VWCE: variants seen among roughly 807,000 people sequenced by gnomAD.
VWCE encodes the protein von Willebrand factor C and EGF domain-containing protein.
Under a neutral mutation model 102.9 loss-of-function variants are expected in VWCE, and 68 were observed. The observed-to-expected ratio is 0.66, with a 90% CI of 0.54 to 0.81. The LOEUF (loss-of-function observed/expected upper bound fraction) is 0.81. Among genes scored for constraint, VWCE ranks in the 30% least tolerant of loss-of-function variants. The pLI is 0.00. For missense variants in VWCE, 1,137 were observed against 1,263.6 expected, an observed-to-expected ratio of 0.90 and a Z score of 1.52; for synonymous variants, 497 against 515.4, an observed-to-expected ratio of 0.96 and a Z score of 0.48.
At chr11:61,285,346 C>T (rs1179483660) in intron 5 of VWCE, among the ~76,000 whole-genome samples, 1 of 152,098 alleles carries the variant, frequency 6.6e-6, no homozygotes, top group Non-Finnish European at 1.5e-5. Context: ...GAGATTCTTT[C>T]CATAATGTGT....
chr11:61,277,568 A>G lies in VWCE; in HGVS notation c.1407+826T>C, dbSNP rs376871798. 2.2e-3 allele frequency among the ~76,000 whole-genome samples: 336 copies of G among 152,170 alleles called. 5 individuals are homozygous for G. The highest frequency in any genetic ancestry group is 7.3e-3 in the African/African-American group (301 of 41,512). ...TGCAATGAGCTATGACTGCACCACT[A>G]TACTCCAGCCTGGGCAACAGAGCAA... is the stretch of plus-strand genomic sequence containing the variant. On this transcript the variant is annotated intron_variant, in intron 10 of 19. Coordinates refer to ENST00000335613, the MANE Select transcript of VWCE (RefSeq NM_152718.2).
intron 4 of VWCE, among the ~76,000 whole-genome samples, chr11:61,288,464 C>G (rs1458200893): frequency 6.6e-6 from 1 of 152,150 alleles, no homozygotes; most frequent in African/African-American, 2.4e-5. Flanking sequence ...TTCTACCCAG[C>G]AGCTACCCAC....
Position 61,281,882 on chromosome 11 carries a change from G to T in VWCE, c.691C>A (p.Arg231=), listed in dbSNP as rs372287462. 9.3e-6 allele frequency: 15 copies of T among 1,613,714 alleles called. No homozygotes were observed. In the African/African-American group the frequency reaches 1.5e-4, roughly 16 times the overall value. The part of the protein sequence containing the change: ...VNECRRPLER[R]VCHHSCHNTV... ...TTGTGGCAGGAATGGTGACAGACTC[G>T]CCTCTCCAATGGCCTCCGACACTCG... The change falls in exon 7 of 20, where the codon CGA becomes AGA. Residue 231 remains arginine (R), a synonymous_variant. Coordinates refer to ENST00000335613, the MANE Select transcript of VWCE (RefSeq NM_152718.2).
chr11:61,273,080 A>G, intron 13 of VWCE, 119 bp downstream of exon 13: 1 of 996,760 alleles, frequency 1.0e-6, no homozygotes, highest in Non-Finnish European at 1.6e-6. Flanking sequence ...ACGCACACAA[A>G]GACACATGTA....
chr11:61,271,776 G>A lies in VWCE; in HGVS notation c.1700-16C>T. On this transcript the variant is annotated splice_polypyrimidine_tract_variant and intron_variant, in intron 13 of 19. Transcript: ENST00000335613. ...AGAGAGCAGCCTGGATGAGGACAAT[G>A]GCAGAGAAAAGACGGCACAAGACCT... 1 of 1,611,574 alleles carries A rather than the reference G, an allele frequency of 6.2e-7. No individual in the cohort carries two copies. Among genetic ancestry groups the A allele is most frequent in the African/African-American group, 1.3e-5 (1 of 75,000 alleles).
chr11:61,287,707 C>G lies in VWCE; in HGVS notation c.425-1277G>C, dbSNP rs530609042. ...TGGAAGAGCGACTGGCTGAGAGGACCAGGAGTATCGGGAGAAGGACTGCCC... is the reference window on the plus strand; with the variant it reads ...TGGAAGAGCGACTGGCTGAGAGGACGAGGAGTATCGGGAGAAGGACTGCCC... On this transcript the variant is annotated intron_variant, in intron 4 of 19. Transcript: ENST00000335613. Among the ~76,000 whole-genome samples the G allele has an allele frequency of 8.6e-4, 131 of 152,228 alleles. 1 individual carries two copies. The highest frequency in any genetic ancestry group is 1.5e-5 in the Non-Finnish European group (1 of 68,012).
intron 13 of VWCE, 62 bp from the exon 14 acceptor site, chr11:61,271,822 A>C: frequency 6.8e-7 from 1 of 1,467,346 alleles, no homozygotes; most frequent in Non-Finnish European, 9.5e-7. Context: ...AGCAGCAAGG[A>C]CAGATGCCTC....
chr11:61,265,025 C>T lies in VWCE; in HGVS notation c.2070G>A (p.Glu690=). The change falls in exon 18 of 20, where the codon GAG becomes GAA. Residue 690 remains glutamate, a synonymous_variant. Coordinates refer to ENST00000335613, the MANE Select transcript of VWCE (RefSeq NM_152718.2). ...CCTGGCCATTCGCCACCTTCCTTCCCTCGTAGTTGCAGTCTGTGGAGGAAG... is the reference window on the plus strand; with the variant it reads ...CCTGGCCATTCGCCACCTTCCTTCCTTCGTAGTTGCAGTCTGTGGAGGAAG... ...CCPVCRDCNY[E]GRKVANGQVF... 6.2e-7 allele frequency: 1 copy of T among 1,614,150 alleles called. No homozygotes were observed. Among genetic ancestry groups the T allele is most frequent in the Non-Finnish European group, 8.5e-7 (1 of 1,180,034 alleles).
intron 4 of VWCE, 102 bp from the exon 5 acceptor site, chr11:61,286,532 G>C: frequency 1.8e-6 from 2 of 1,094,174 alleles, no homozygotes; most frequent in Non-Finnish European, 2.7e-6. Context: ...GCCGGGCATG[G>C]TGGCTCACGC....
At chr11:61,269,647 T>C (rs751288309) in intron 14 of VWCE, among the ~76,000 whole-genome samples, 3 of 151,936 alleles carry the variant, frequency 2.0e-5, no homozygotes, top group Non-Finnish European at 4.4e-5. Flanking sequence ...GGTTTCACCA[T>C]GTTGGTCAGG....
intron 19 of VWCE, among the ~76,000 whole-genome samples, chr11:61,261,231 AG>A (rs1307403981): frequency 6.6e-6 from 1 of 151,904 alleles, no homozygotes; most frequent in African/African-American, 2.4e-5. Context: ...AAAAAAAAAA[AG>A]AAGAAAGAGT....
chr11:61,290,765 C>G, intron 4 of VWCE, 34 bp downstream of exon 4: 1 of 1,579,084 alleles, frequency 6.3e-7, no homozygotes, highest in Non-Finnish European at 8.6e-7. Flanking sequence ...CCGCTGTCCC[C>G]CTCCCCCTCC....
rs941241816 is a variant in VWCE, at chr11:61,264,658, C to T, written c.2140-81G>A. 5.0e-6 allele frequency: 7 copies of T among 1,412,754 alleles called. No homozygotes were observed. In the African/African-American group the frequency reaches 7.1e-5, roughly 14 times the overall value. The allele number at this position is 1,412,754 out of a possible 1,614,324, so 87.5% of individuals were successfully genotyped here. On this transcript the variant is annotated intron_variant, in intron 18 of 19. Transcript: ENST00000335613. ...GCAGTGCCCTCAAGGGCCTCTTGCA[C>T]CAGCAGCAGGACCCACGGAAAGATC...
At chr11:61,287,780 T>C (rs192323051) in intron 4 of VWCE, among the ~76,000 whole-genome samples, 1 of 152,222 alleles carries the variant, frequency 6.6e-6, no homozygotes. Context: ...CTGGGCTCCT[T>C]GCAAACTGTA....
chr11:61,262,697 C>G (rs574089362), intron 19 of VWCE, among the ~76,000 whole-genome samples: 1 of 152,074 alleles, frequency 6.6e-6, no homozygotes, highest in African/African-American at 2.4e-5. Context: ...GAGCTGCCCC[C>G]GAAAACAGAA....
In VWCE at chr11:61,273,264, C is replaced by A. The variant is rs765791707; in HGVS notation, c.1634G>T (p.Arg545Leu). ...FMPCPELACPREEWRLGPGQC... is the reference protein window; with the variant it reads ...FMPCPELACPLEEWRLGPGQC... ...CCCAGGGCCCAGCCGCCACTCTTCT[C>A]GGGGGCAGGCCAGCTCAGGGCAGGG... is the stretch of plus-strand genomic sequence containing the variant. Residue 545 changes from arginine to leucine, a missense_variant, in exon 13 of 20, where the codon CGA (arginine) becomes CTA (leucine). This residue lies in a region of VWCE where 212 missense variants were observed against 235.1 expected (regional missense o/e 0.90). Transcript: ENST00000335613. 3 of 1,613,856 alleles carry A rather than the reference C, an allele frequency of 1.9e-6. No homozygotes were observed. The highest frequency in any genetic ancestry group is 1.7e-5 in the Admixed American group (1 of 59,964).
intron 13 of VWCE, 62 bp downstream of exon 13, chr11:61,273,137 G>A (rs1854780655): frequency 6.5e-7 from 1 of 1,529,640 alleles, no homozygotes; most frequent in Admixed American, 1.7e-5. Context: ...AGCAGCAGGT[G>A]AAGCTCAGCC....
intron 3 of VWCE, 86 bp downstream of exon 3, chr11:61,291,178 G>A: frequency 7.4e-7 from 1 of 1,345,514 alleles, no homozygotes; most frequent in African/African-American, 1.5e-5. Context: ...TGAGACACCA[G>A]GACACATCTC....
chr11:61,281,341 C>A (rs936122587), intron 7 of VWCE, 106 bp from the exon 8 acceptor site: 37 of 1,355,478 alleles, frequency 2.7e-5, no homozygotes, highest in Non-Finnish European at 3.7e-5. Context: ...TGTTCACCCC[C>A]CGTGGTCTGC....
Sources: gnomAD v4.1 joint callset for allele counts (sites outside exome capture counted in the v4.1 genomes callset) on GRCh38, gnomAD v4.1.1 for gene constraint, gnomAD v4.1.1 regional missense constraint, MANE v1.5 for transcripts, NCBI Gene and HGNC (gene_info 2026-07-23, HGNC 2026-07-21) for gene names.